FGGY: variants seen among roughly 807,000 people sequenced by gnomAD.
The protein encoded by FGGY is FGGY carbohydrate kinase domain-containing protein.
A neutral mutation model predicts 71.3 loss-of-function variants in FGGY; 72 were observed. The observed-to-expected ratio is 1.01, with a 90% CI of 0.84 to 1.23. FGGY has a LOEUF of 1.23. FGGY is among the 50% of genes most tolerant of loss of function. FGGY has a pLI of 0.00. For missense variants in FGGY, 668 were observed against 682.3 expected (o/e 0.98, Z 0.23); for synonymous variants, 251 against 250.3 (o/e 1.00, Z -0.02).
chr1:59,559,586 C>T (rs2095752262), intron 8 of FGGY, among the ~76,000 whole-genome samples: 1 of 152,136 alleles, frequency 6.6e-6, no homozygotes, highest in South Asian at 2.1e-4. Flanking sequence ...GTGTCCAGAT[C>T]ATGGTATCTA....
chr1:59,569,968 C>T (rs558744655), intron 8 of FGGY, among the ~76,000 whole-genome samples: 8 of 152,244 alleles, frequency 5.3e-5, no homozygotes, highest in South Asian at 4.1e-4. Context: ...AAGGATCCTG[C>T]GGCTGGTGAA....
In FGGY at chr1:59,744,605, C is replaced by T. The variant is rs185809041; in HGVS notation, c.1513-13326C>T. The stretch of plus-strand genomic sequence containing the variant: ...GCCTGTGATCCTAACTGTCTGACAT[C>T]GGACAATGAAGAATGTGTTGACCTG... On this transcript the variant is annotated intron_variant, in intron 14 of 15. Transcript: ENST00000303721. Among the ~76,000 whole-genome samples the T allele has an allele frequency of 1.8e-3, 269 of 152,294 alleles. 1 individual carries two copies. The highest frequency in any genetic ancestry group is 3.1e-3 in the Non-Finnish European group (210 of 68,026).
chr1:59,644,774 G>T (rs192755091), intron 11 of FGGY, among the ~76,000 whole-genome samples: 44 of 152,206 alleles, frequency 2.9e-4, no homozygotes, highest in African/African-American at 9.4e-4. Flanking sequence ...TCAAGAGATT[G>T]AGACCATCCT....
chr1:59,657,415 T>C (rs11207497), intron 11 of FGGY, among the ~76,000 whole-genome samples: 87,340 of 152,042 alleles, frequency 0.57, 27,994 homozygotes, highest in Middle Eastern at 0.76. Flanking sequence ...CTAGGAGACC[T>C]AATAGCAGAG....
At chr1:59,711,211 T>C (rs1039579629) in intron 14 of FGGY, among the ~76,000 whole-genome samples, 1 of 152,126 alleles carries the variant, frequency 6.6e-6, no homozygotes, top group Non-Finnish European at 1.5e-5. Flanking sequence ...AAACACCACA[T>C]GTTCTCACTC....
chr1:59,742,076 C>G (rs914606723), intron 14 of FGGY, among the ~76,000 whole-genome samples: 3 of 152,212 alleles, frequency 2.0e-5, no homozygotes, highest in Admixed American at 6.5e-5. Flanking sequence ...GCACTCCAGC[C>G]TCGGTGACAG....
rs575484625 is a variant in FGGY at position 59,746,705 on chromosome 1, A to G, written c.1513-11226A>G. 1.1e-4 allele frequency among the ~76,000 whole-genome samples: 17 copies of G among 152,228 alleles called. No homozygotes were observed. The South Asian group carries it at 3.5e-3, about 32-fold the overall frequency. ...GAGATAGGGTTTCCCTATCTTGCCCAGGCTGGTTTCAAACTCGTTTCAAGC... is the reference window on the plus strand; with the variant it reads ...GAGATAGGGTTTCCCTATCTTGCCCGGGCTGGTTTCAAACTCGTTTCAAGC... On this transcript the variant is annotated intron_variant, in intron 14 of 15. Coordinates refer to ENST00000303721, the MANE Select transcript of FGGY (RefSeq NM_018291.5).
At chr1:59,699,350 A>G (rs1354296897) in intron 14 of FGGY, 5 of 985,240 alleles carry the variant, frequency 5.1e-6, no homozygotes, top group African/African-American at 3.5e-5. Context: ...TGCCTTTTGC[A>G]TAGTTATTGA....
chr1:59,554,627 A>T (rs1401944398), intron 8 of FGGY, among the ~76,000 whole-genome samples: 1 of 152,106 alleles, frequency 6.6e-6, no homozygotes, highest in Non-Finnish European at 1.5e-5. Flanking sequence ...CAATCAATAT[A>T]AATCCATCTC....
intron 8 of FGGY, among the ~76,000 whole-genome samples, chr1:59,580,996 G>A (rs892243277): frequency 6.6e-6 from 1 of 152,122 alleles, no homozygotes; most frequent in Non-Finnish European, 1.5e-5. Context: ...CCAGTAAGGA[G>A]TTTGATAAAC....
chr1:59,720,900 G>GC (rs1371288589), intron 14 of FGGY, among the ~76,000 whole-genome samples: 3 of 152,068 alleles, frequency 2.0e-5, no homozygotes, highest in Admixed American at 1.3e-4. Flanking sequence ...ATCTCCTTCT[G>GC]CCACTTGCCC....
chr1:59,610,692 C>T (rs187245738), intron 9 of FGGY, among the ~76,000 whole-genome samples: 182 of 152,306 alleles, frequency 1.2e-3, no homozygotes, highest in African/African-American at 4.1e-3. Flanking sequence ...GCCCACAGAC[C>T]GTGAGCCGAA....
chr1:59,548,849 A>T (rs1201959428), intron 7 of FGGY, among the ~76,000 whole-genome samples: 1 of 152,184 alleles, frequency 6.6e-6, no homozygotes, highest in Non-Finnish European at 1.5e-5. Flanking sequence ...GGTACTTTAC[A>T]CCTATATTAA....
chr1:59,693,035 T>A (rs112036735), intron 14 of FGGY, among the ~76,000 whole-genome samples: 26 of 152,360 alleles, frequency 1.7e-4, no homozygotes, highest in African/African-American at 6.3e-4. Context: ...TCATCATTAT[T>A]ACTACCAGTA....
intron 13 of FGGY, among the ~76,000 whole-genome samples, chr1:59,673,118 C>A (rs764307896): frequency 6.6e-6 from 1 of 152,162 alleles, no homozygotes; most frequent in Non-Finnish European, 1.5e-5. Context: ...AAAACAGAGT[C>A]CCTACCCTCA....
intron 4 of FGGY, among the ~76,000 whole-genome samples, chr1:59,347,140 C>T (rs2052186918): frequency 6.7e-6 from 1 of 149,434 alleles, no homozygotes; most frequent in Admixed American, 6.7e-5. Context: ...TACATGTGCA[C>T]AACGTGCAGG....
At chr1:59,460,075 G>A (rs2092047345) in intron 6 of FGGY, among the ~76,000 whole-genome samples, 1 of 152,278 alleles carries the variant, frequency 6.6e-6, no homozygotes, top group Admixed American at 6.5e-5. Flanking sequence ...TGAGTGGAGG[G>A]AGGCTGCTTT....
At chr1:59,576,358 A>G (rs1255215459) in intron 8 of FGGY, among the ~76,000 whole-genome samples, 2 of 152,036 alleles carry the variant, frequency 1.3e-5, no homozygotes, top group African/African-American at 2.4e-5. Context: ...GTGAGAACAC[A>G]TGGACACAGG....
chr1:59,665,802 T>G (rs181873157), intron 12 of FGGY, among the ~76,000 whole-genome samples: 2,000 of 152,132 alleles, frequency 0.013, 35 homozygotes, highest in African/African-American at 0.045. Flanking sequence ...GCCTCCCAAG[T>G]AGCTTGCACT....
Sources: gnomAD v4.1 joint callset for allele counts (sites outside exome capture counted in the v4.1 genomes callset) on GRCh38, gnomAD v4.1.1 for gene constraint, MANE v1.5 for transcripts, NCBI Gene and HGNC (gene_info 2026-07-23, HGNC 2026-07-21) for gene names.